The following PHEX variants were observed in gnomAD, a reference collection of about 807,000 sequenced individuals.
The protein encoded by PHEX is phosphate-regulating neutral endopeptidase PHEX.
A neutral mutation model predicts 68.0 loss-of-function variants in PHEX; 16 were observed. That is an observed-to-expected ratio of 0.24 (90% confidence interval 0.16 to 0.36). The LOEUF (loss-of-function observed/expected upper bound fraction) is 0.36, where lower values mean the gene tolerates loss of function less well. PHEX is among the 10% of genes least tolerant of loss of function. The pLI, the probability that PHEX is intolerant of heterozygous loss-of-function variation, is 1.00. For synonymous variants in PHEX, 208 were observed against 205.1 expected (o/e 1.01, Z -0.12); for missense variants, 480 against 575.5 (o/e 0.83, Z 1.70).
At chrX:22,247,290 G>T (rs779112132) in intron 21 of PHEX, among the ~76,000 whole-genome samples, 14 of 112,322 alleles carry the variant, frequency 1.2e-4, no homozygotes, top group Admixed American at 1.0e-3. Flanking sequence ...GACTCTTATA[G>T]ACATTATATT....
intron 5 of PHEX, among the ~76,000 whole-genome samples, chrX:22,089,528 C>G (rs1476442109): frequency 3.7e-5 from 4 of 109,084 alleles, no homozygotes; most frequent in African/African-American, 1.3e-4. Flanking sequence ...TCAAGCAATT[C>G]TCCTGCCTCA....
rs143761394 is a variant in PHEX, at chrX:22,239,894, C to T, written c.2071-5439C>T. Reference sequence around the variant, plus strand: ...CAAATTCAGGAAATACAGAGAACACCGCAAAAATATTCCTCGAAAAGAGCA... The same window carrying T: ...CAAATTCAGGAAATACAGAGAACACTGCAAAAATATTCCTCGAAAAGAGCA... On this transcript the variant is annotated intron_variant, in intron 20 of 21. Coordinates refer to ENST00000379374, the MANE Select transcript of PHEX (RefSeq NM_000444.6). Among the ~76,000 whole-genome samples, 423 of 110,990 alleles carry T rather than the reference C, an allele frequency of 3.8e-3. 1 individual carries two copies. Among genetic ancestry groups the T allele is most frequent in the African/African-American group, 0.013 (388 of 30,532 alleles).
At chrX:22,210,046 G>A in intron 15 of PHEX, among the ~76,000 whole-genome samples, 1 of 111,746 alleles carries the variant, frequency 8.9e-6, no homozygotes, top group East Asian at 2.8e-4. Flanking sequence ...TTCCCTTTCT[G>A]CTTATTTTTC....
intron 3 of PHEX, among the ~76,000 whole-genome samples, chrX:22,067,079 A>G (rs1394333571): frequency 9.1e-6 from 1 of 110,011 alleles, no homozygotes; most frequent in Admixed American, 9.7e-5. Flanking sequence ...CCTCATCTCT[A>G]CTAAAAATAA....
Position 22,249,455 on chromosome X carries a change from A to AATATATATATATATATAT in PHEX, c.*1517_*1534dup, listed in dbSNP as rs1198426834. The AATATATATATATATATAT allele has an allele frequency of 1.5e-4, 6 of 39,744 alleles. No homozygotes were observed. The highest frequency in any genetic ancestry group is 3.3e-4 in the African/African-American group (2 of 6,011). 3.3% of individuals were successfully genotyped at this position (39,744 alleles called of 1,213,427 possible). ...TTGTGATTCTTTTAAAAAAAAAAAA[A>AATATATATATATATATAT]ATATATATATATATATATATATATA... On this transcript the variant is annotated 3_prime_UTR_variant, in exon 22 of 22. Coordinates refer to ENST00000379374, the MANE Select transcript of PHEX (RefSeq NM_000444.6).
chrX:22,212,579 G>A lies in PHEX; in HGVS notation c.1646-325G>A, dbSNP rs765770052. ...ACACAGGTTGCACACCCACGAAGCC[G>A]GCCCTTTCTATATCAGGCAAAGCTG... is the stretch of plus-strand genomic sequence containing the variant. On this transcript the variant is annotated intron_variant, in intron 15 of 21. Transcript: ENST00000379374. Among the ~76,000 whole-genome samples, 8 of 112,031 alleles carry A rather than the reference G, an allele frequency of 7.1e-5. No homozygotes were observed. The South Asian group carries it at 1.9e-3, about 27-fold the overall frequency.
chrX:22,172,375 AT>A (rs779113839), intron 13 of PHEX: 1 of 111,975 alleles, frequency 8.9e-6, no homozygotes, highest in East Asian at 2.8e-4. Flanking sequence ...AATACATGAA[AT>A]ATGTTGGAAG....
Position 22,070,489 on chromosome X carries a change from G to C in PHEX, c.350-5899G>C, listed in dbSNP as rs144303826. Among the ~76,000 whole-genome samples, 701 of 111,517 alleles carry C rather than the reference G, an allele frequency of 6.3e-3. 5 individuals are homozygous for C. Among genetic ancestry groups the C allele is most frequent in the African/African-American group, 0.021 (655 of 30,678 alleles). On this transcript the variant is annotated intron_variant, in intron 3 of 21. Transcript: ENST00000379374. ...GAGACTAGGAATTGAAGACCAGCCT[G>C]GGCAATATAGCGAGACCCCATCTCT...
At chrX:22,070,224 G>A (rs959942507) in intron 3 of PHEX, among the ~76,000 whole-genome samples, 3 of 111,900 alleles carry the variant, frequency 2.7e-5, no homozygotes, top group Non-Finnish European at 5.6e-5. Context: ...TGTAGATGTG[G>A]AAGCTTAAAG....
chrX:22,177,262 G>C (rs750347202), intron 13 of PHEX, among the ~76,000 whole-genome samples: 2 of 111,447 alleles, frequency 1.8e-5, no homozygotes, highest in Admixed American at 9.6e-5. Flanking sequence ...TCATATACAC[G>C]AGTATTTTAC....
chrX:22,247,798 C>A (rs1936434004), intron 21 of PHEX, 53 bp from the exon 22 acceptor site: 4 of 835,996 alleles, frequency 4.8e-6, no homozygotes, highest in Non-Finnish European at 7.2e-6. Context: ...TTATACAGAA[C>A]CTGTTGATGT....
intron 20 of PHEX, among the ~76,000 whole-genome samples, chrX:22,227,947 T>G (rs934363885): frequency 8.9e-6 from 1 of 111,758 alleles, no homozygotes; most frequent in African/African-American, 3.3e-5. Context: ...TCTTTGGCTT[T>G]CATGGGCCTG....
At chrX:22,159,955 T>C (rs1933064028) in intron 12 of PHEX, among the ~76,000 whole-genome samples, 1 of 112,372 alleles carries the variant, frequency 8.9e-6, no homozygotes, top group Admixed American at 9.4e-5. Flanking sequence ...GTGATGATGA[T>C]AACTTGTTAT....
intron 11 of PHEX, among the ~76,000 whole-genome samples, chrX:22,131,311 G>A (rs991420561): frequency 6.2e-5 from 7 of 112,277 alleles, no homozygotes; most frequent in Non-Finnish European, 9.4e-5. Context: ...AAAGTGCTGG[G>A]ATTACAGGTA....
At chrX:22,155,831 A>C (rs1932938572) in intron 12 of PHEX, among the ~76,000 whole-genome samples, 1 of 111,433 alleles carries the variant, frequency 9.0e-6, no homozygotes, top group Non-Finnish European at 1.9e-5. Context: ...GGTTTTGAAA[A>C]ATGGGGAAAC....
At chrX:22,104,999 G>A (rs1332748477) in intron 9 of PHEX, among the ~76,000 whole-genome samples, 1 of 112,514 alleles carries the variant, frequency 8.9e-6, no homozygotes, top group African/African-American at 3.2e-5. Flanking sequence ...GTACATTAAA[G>A]TAAGATGATT....
chrX:22,074,271 T>C (rs763335434), intron 3 of PHEX, among the ~76,000 whole-genome samples: 101 of 109,446 alleles, frequency 9.2e-4, no homozygotes, highest in Non-Finnish European at 1.5e-3. Context: ...AATGCTCTCC[T>C]GTCTGCTTGG....
At chrX:22,114,624 A>T (rs754964326) in intron 11 of PHEX, 38 bp downstream of exon 11, 17 of 1,151,562 alleles carry the variant, frequency 1.5e-5, no homozygotes, top group Non-Finnish European at 2.0e-5. Context: ...AATAATGGCA[A>T]TTTAGCCAGA....
chrX:22,133,853 G>A (rs763929038), intron 12 of PHEX, among the ~76,000 whole-genome samples: 22 of 111,835 alleles, frequency 2.0e-4, no homozygotes, highest in Admixed American at 3.8e-4. Context: ...CTTGTAATTC[G>A]GCCTTTCCTT....
Sources: gnomAD v4.1 joint callset for allele counts (sites outside exome capture counted in the v4.1 genomes callset) on GRCh38, gnomAD v4.1.1 for gene constraint, MANE v1.5 for transcripts, NCBI Gene and HGNC (gene_info 2026-07-23, HGNC 2026-07-21) for gene names.